Variants in PTPRD observed in about 807,000 individuals in gnomAD.
The protein encoded by PTPRD is receptor-type tyrosine-protein phosphatase delta.
In PTPRD, 34 loss-of-function variants were observed where a neutral mutation model predicts 214.5. The observed-to-expected ratio is 0.16, with a 90% CI of 0.12 to 0.21. The LOEUF is 0.21. Among genes scored for constraint, PTPRD ranks in the 10% least tolerant of loss-of-function variants. The pLI is 1.00. For missense variants in PTPRD, 2,545 were observed against 2,398.7 expected (o/e 1.06, Z -1.27); for synonymous variants, 1,128 against 845.7 (o/e 1.33, Z -5.79).
intron 11 of PTPRD, among the ~76,000 whole-genome samples, chr9:8,824,475 G>A (rs565410901): frequency 1.3e-5 from 2 of 152,152 alleles, no homozygotes; most frequent in Admixed American, 1.3e-4. Flanking sequence ...TATAACTTTT[G>A]AGTTTTGACA....
chr9:10,171,455 C>T (rs2099205274), intron 3 of PTPRD, among the ~76,000 whole-genome samples: 2 of 152,084 alleles, frequency 1.3e-5, no homozygotes, highest in South Asian at 4.2e-4. Context: ...TTGAGGCGTC[C>T]CCAGCCACGT....
intron 5 of PTPRD, among the ~76,000 whole-genome samples, chr9:9,925,635 A>T (rs2084015897): frequency 6.6e-6 from 1 of 151,598 alleles, no homozygotes; most frequent in South Asian, 2.1e-4. Context: ...TTTAAAAAAA[A>T]CTCTTCTACC....
chr9:9,586,411 A>G (rs1475936957), intron 7 of PTPRD, among the ~76,000 whole-genome samples: 2 of 152,036 alleles, frequency 1.3e-5, no homozygotes, highest in Non-Finnish European at 2.9e-5. Flanking sequence ...AGTACGCAGT[A>G]AGATTATAAT....
At chr9:9,976,882 CTT>C (rs1416399922) in intron 4 of PTPRD, among the ~76,000 whole-genome samples, 4 of 151,748 alleles carry the variant, frequency 2.6e-5, no homozygotes, top group African/African-American at 9.7e-5. Flanking sequence ...TGAAATAACT[CTT>C]TACTCACAAC....
intron 8 of PTPRD, among the ~76,000 whole-genome samples, chr9:9,437,154 G>A (rs956317479): frequency 1.3e-5 from 2 of 152,202 alleles, no homozygotes; most frequent in Non-Finnish European, 1.5e-5. Context: ...GCAGAGGGCT[G>A]AGAGGGCGAT....
intron 5 of PTPRD, among the ~76,000 whole-genome samples, chr9:9,850,626 G>C (rs1397148531): frequency 1.3e-5 from 2 of 152,072 alleles, no homozygotes; most frequent in African/African-American, 4.8e-5. Context: ...ACTATGGAAT[G>C]ATGAAATCAA....
In PTPRD at chr9:10,422,041, C is replaced by T. The variant is rs886268146; in HGVS notation, c.-599-81024G>A. ...AGACACTGCAATTGAAACAACATCACGCTACCTGACTTCAAACTATACTAC... is the reference window on the plus strand; with the variant it reads ...AGACACTGCAATTGAAACAACATCATGCTACCTGACTTCAAACTATACTAC... On this transcript the variant is annotated intron_variant, in intron 2 of 45. Transcript: ENST00000381196. Among the ~76,000 whole-genome samples the T allele has an allele frequency of 7.2e-5, 11 of 151,804 alleles. No individual in the cohort carries two copies. In the East Asian group the frequency reaches 1.6e-3, roughly 22 times the overall value.
At chr9:10,193,308 G>GA in intron 3 of PTPRD, among the ~76,000 whole-genome samples, 1 of 151,922 alleles carries the variant, frequency 6.6e-6, no homozygotes, top group Middle Eastern at 3.4e-3. Flanking sequence ...TTGACCTGGG[G>GA]AAAAAAATTC....
chr9:9,663,802 G>C (rs946637697), intron 7 of PTPRD, among the ~76,000 whole-genome samples: 1 of 151,512 alleles, frequency 6.6e-6, no homozygotes, highest in Admixed American at 6.6e-5. Flanking sequence ...TATTCTGATA[G>C]TTTTAACAGC....
chr9:10,182,910 T>C (rs981541112), intron 3 of PTPRD, among the ~76,000 whole-genome samples: 1 of 152,166 alleles, frequency 6.6e-6, no homozygotes, highest in Non-Finnish European at 1.5e-5. Flanking sequence ...TGACACCATG[T>C]ACTTGATCAG....
At chr9:10,578,059 A>C (rs117103001) in intron 2 of PTPRD, among the ~76,000 whole-genome samples, 1 of 151,726 alleles carries the variant, frequency 6.6e-6, no homozygotes, top group African/African-American at 2.4e-5. Flanking sequence ...TTACAGGTGC[A>C]CCATCACACC....
chr9:8,829,794 T>G (rs947685274), intron 11 of PTPRD, among the ~76,000 whole-genome samples: 1 of 152,210 alleles, frequency 6.6e-6, no homozygotes, highest in East Asian at 1.9e-4. Flanking sequence ...CTAATAACCA[T>G]AATCTTCAGC....
intron 3 of PTPRD, among the ~76,000 whole-genome samples, chr9:10,244,103 C>CA (rs540733709): frequency 6.6e-6 from 1 of 150,746 alleles, no homozygotes; most frequent in Non-Finnish European, 1.5e-5. Flanking sequence ...CTACTAATCA[C>CA]TTTTTTTTTC....
intron 7 of PTPRD, among the ~76,000 whole-genome samples, chr9:9,661,866 C>G (rs1328192828): frequency 6.6e-6 from 1 of 151,612 alleles, no homozygotes; most frequent in East Asian, 1.9e-4. Context: ...TGTTTCAGCC[C>G]AGATATTAAA....
chr9:8,456,031 G>T (rs923031342), intron 33 of PTPRD, among the ~76,000 whole-genome samples: 1 of 152,126 alleles, frequency 6.6e-6, no homozygotes, highest in Non-Finnish European at 1.5e-5. Flanking sequence ...TGCAACTCTT[G>T]CCAGCCAAAA....
At chr9:9,713,594 G>T (rs527795868) in intron 7 of PTPRD, among the ~76,000 whole-genome samples, 2 of 152,126 alleles carry the variant, frequency 1.3e-5, no homozygotes, top group African/African-American at 4.8e-5. Context: ...GAGACATTAT[G>T]CAAGAAGCAA....
intron 5 of PTPRD, among the ~76,000 whole-genome samples, chr9:9,889,434 G>A (rs2072376625): frequency 6.6e-6 from 1 of 151,886 alleles, no homozygotes; most frequent in Non-Finnish European, 1.5e-5. Context: ...AATAAATATA[G>A]AAGTCCTCAC....
chr9:8,489,998 C>T (rs544855887), intron 27 of PTPRD, among the ~76,000 whole-genome samples: 1 of 152,284 alleles, frequency 6.6e-6, no homozygotes, highest in Admixed American at 6.5e-5. Flanking sequence ...ATAGATTGTG[C>T]AATCTGTGGA....
At chr9:8,622,144 C>T (rs1334352301) in intron 14 of PTPRD, among the ~76,000 whole-genome samples, 1 of 151,804 alleles carries the variant, frequency 6.6e-6, no homozygotes, top group Non-Finnish European at 1.5e-5. Context: ...ATAAAAAACT[C>T]CTCTTACTAT....
Sources: allele counts gnomAD v4.1 joint callset (sites outside exome capture counted in the v4.1 genomes callset), GRCh38; gene constraint gnomAD v4.1.1; transcripts MANE v1.5; gene names NCBI Gene and HGNC (gene_info 2026-07-23, HGNC 2026-07-21).